The following SEMA5A variants were observed in gnomAD, a reference collection of about 807,000 sequenced individuals.
SEMA5A encodes semaphorin-5A.
SEMA5A carries 55 observed loss-of-function variants against 135.5 expected under a neutral mutation model. That is an observed-to-expected ratio of 0.41 (90% CI 0.33 to 0.51). The LOEUF (loss-of-function observed/expected upper bound fraction) is 0.51. SEMA5A is among the 20% of genes least tolerant of loss of function. The pLI is 0.37. For synonymous variants in SEMA5A, 580 were observed against 546.5 expected, an observed-to-expected ratio of 1.06 and a Z score of -0.85; for missense variants, 1,290 against 1,419.9, an observed-to-expected ratio of 0.91 and a Z score of 1.47.
Position 9,162,161 on chromosome 5 carries a change from C to A in SEMA5A, c.1274-7466G>T, listed in dbSNP as rs191312607. Among the ~76,000 whole-genome samples the A allele has an allele frequency of 2.0e-5, 3 of 152,302 alleles. No individual in the cohort carries two copies. The East Asian group carries it at 5.8e-4, about 29-fold the overall frequency. On this transcript the variant is annotated intron_variant, in intron 11 of 22. Coordinates refer to ENST00000382496, the MANE Select transcript of SEMA5A (RefSeq NM_003966.3). ...TACCAAGAAGTCAAGTTAGTTCCTA[C>A]TTTTCTTTGGAGTATAGCTTCTGTG... is the stretch of plus-strand genomic sequence containing the variant.
chr5:9,069,109 T>A (rs527268190), intron 16 of SEMA5A, among the ~76,000 whole-genome samples: 1 of 152,218 alleles, frequency 6.6e-6, no homozygotes, highest in Non-Finnish European at 1.5e-5. Flanking sequence ...TTGTTTTGCA[T>A]GTACCAAAAG....
At chr5:9,335,223 G>C (rs1410949586) in intron 4 of SEMA5A, among the ~76,000 whole-genome samples, 1 of 152,168 alleles carries the variant, frequency 6.6e-6, no homozygotes, top group African/African-American at 2.4e-5. Context: ...ATTGGACAGA[G>C]ACCTCTAGGG....
intron 8 of SEMA5A, among the ~76,000 whole-genome samples, chr5:9,203,399 C>T (rs1381740036): frequency 1.3e-5 from 2 of 152,178 alleles, no homozygotes; most frequent in African/African-American, 4.8e-5. Context: ...TACAATTGCA[C>T]TGCAATAATA....
At chr5:9,352,096 G>GGGC (rs536997441) in intron 3 of SEMA5A, among the ~76,000 whole-genome samples, 11 of 148,140 alleles carry the variant, frequency 7.4e-5, no homozygotes, top group African/African-American at 2.3e-4. Flanking sequence ...TAACAGGTCG[G>GGGC]GGGGGTTACT....
At chr5:9,514,022 G>A (rs1033497806) in intron 1 of SEMA5A, among the ~76,000 whole-genome samples, 13 of 152,082 alleles carry the variant, frequency 8.5e-5, no homozygotes, top group African/African-American at 2.4e-4. Flanking sequence ...AGACCTCAGC[G>A]AGGCCCTGCT....
At chr5:9,158,040 A>T (rs1170022339) in intron 11 of SEMA5A, among the ~76,000 whole-genome samples, 1 of 152,190 alleles carries the variant, frequency 6.6e-6, no homozygotes, top group East Asian at 1.9e-4. Context: ...GTGTCATATG[A>T]TGTATGTGTA....
chr5:9,186,605 G>C (rs1477580919), intron 11 of SEMA5A, among the ~76,000 whole-genome samples: 1 of 152,092 alleles, frequency 6.6e-6, no homozygotes, highest in African/African-American at 2.4e-5. Flanking sequence ...TTTAACTCCT[G>C]GATATGGTAT....
At chr5:9,156,645 C>T (rs1405036521) in intron 11 of SEMA5A, among the ~76,000 whole-genome samples, 1 of 152,194 alleles carries the variant, frequency 6.6e-6, no homozygotes, top group African/African-American at 2.4e-5. Context: ...GGTGGCCTGC[C>T]TAGAGTCAGG....
At chr5:9,461,478 A>G (rs530808449) in intron 1 of SEMA5A, among the ~76,000 whole-genome samples, 1 of 152,350 alleles carries the variant, frequency 6.6e-6, no homozygotes, top group South Asian at 2.1e-4. Flanking sequence ...TAGAAACTGA[A>G]AAATCAATTA....
At chr5:9,191,570 G>C (rs531932402) in intron 10 of SEMA5A, among the ~76,000 whole-genome samples, 3 of 152,208 alleles carry the variant, frequency 2.0e-5, no homozygotes. Flanking sequence ...TGTCTAATAT[G>C]TGGTTTTATA....
chr5:9,530,490 T>A (rs1363283584), intron 1 of SEMA5A, among the ~76,000 whole-genome samples: 2 of 152,228 alleles, frequency 1.3e-5, no homozygotes, highest in East Asian at 1.9e-4. Context: ...TCTTTTTTTT[T>A]ATTTTAAAGT....
chr5:9,318,300 G>T, intron 5 of SEMA5A, 72 bp downstream of exon 5: 1 of 1,443,002 alleles, frequency 6.9e-7, no homozygotes, highest in Non-Finnish European at 9.7e-7. Context: ...ACATGCATCT[G>T]TCTTCATCCC....
chr5:9,332,664 CACATT>C (rs1295441371), intron 4 of SEMA5A, among the ~76,000 whole-genome samples: 1 of 152,100 alleles, frequency 6.6e-6, no homozygotes, highest in African/African-American at 2.4e-5. Context: ...GGCTGGTACT[CACATT>C]ACATCAGGTA....
At chr5:9,519,641 A>T (rs1579675522) in intron 1 of SEMA5A, among the ~76,000 whole-genome samples, 1 of 152,218 alleles carries the variant, frequency 6.6e-6, no homozygotes, top group East Asian at 1.9e-4. Flanking sequence ...TATGTTTCCC[A>T]TCACCATGCA....
chr5:9,134,896 C>A (rs1741645271), intron 13 of SEMA5A, among the ~76,000 whole-genome samples: 1 of 152,124 alleles, frequency 6.6e-6, no homozygotes, highest in Non-Finnish European at 1.5e-5. Context: ...TAGTATTTTT[C>A]AGAAATAGGA....
chr5:9,463,210 C>T (rs555818741), intron 1 of SEMA5A, among the ~76,000 whole-genome samples: 2 of 152,242 alleles, frequency 1.3e-5, no homozygotes, highest in African/African-American at 4.8e-5. Flanking sequence ...AAAGCGTTCT[C>T]AAGTGCGAAG....
At chr5:9,389,154 C>A (rs1208652750) in intron 2 of SEMA5A, among the ~76,000 whole-genome samples, 3 of 152,168 alleles carry the variant, frequency 2.0e-5, no homozygotes, top group Non-Finnish European at 4.4e-5. Context: ...TATCTCCTGA[C>A]ATCCTGTCTT....
At chr5:9,147,659 A>T (rs982649655) in intron 12 of SEMA5A, among the ~76,000 whole-genome samples, 6 of 148,120 alleles carry the variant, frequency 4.1e-5, no homozygotes, top group Admixed American at 2.1e-4. Flanking sequence ...AAGCTATAAT[A>T]CTTCCAGTTC....
chr5:9,321,905 C>A (rs2150677243), intron 4 of SEMA5A, among the ~76,000 whole-genome samples: 1 of 152,254 alleles, frequency 6.6e-6, no homozygotes, highest in South Asian at 2.1e-4. Context: ...CAGAAACTTT[C>A]TTGAAAAGAA....
Sources: allele counts gnomAD v4.1 joint callset (sites outside exome capture counted in the v4.1 genomes callset), GRCh38; gene constraint gnomAD v4.1.1; transcripts MANE v1.5; gene names NCBI Gene and HGNC (gene_info 2026-07-23, HGNC 2026-07-21).